NKAIN2: variants seen among roughly 807,000 people sequenced by gnomAD.
NKAIN2 encodes the protein sodium/potassium-transporting ATPase subunit beta-1-interacting protein 2.
NKAIN2 carries 14 observed loss-of-function variants against 32.6 expected under a neutral mutation model. The ratio of observed to expected loss-of-function variants is 0.43; its 90% CI spans 0.28 to 0.67. The LOEUF is 0.67. Among genes scored for constraint, NKAIN2 ranks in the 30% least tolerant of loss-of-function variants. NKAIN2 has a pLI of 0.17. For synonymous variants in NKAIN2, 80 were observed against 87.2 expected, an observed-to-expected ratio of 0.92 and a Z score of 0.46; for missense variants, 198 against 258.3, an observed-to-expected ratio of 0.77 and a Z score of 1.60.
At chr6:124,380,326 G>A (rs567244516) in intron 3 of NKAIN2, among the ~76,000 whole-genome samples, 3 of 152,258 alleles carry the variant, frequency 2.0e-5, no homozygotes, top group Admixed American at 6.5e-5. Flanking sequence ...CAATGTTAGA[G>A]CATTTTAGCA....
intron 4 of NKAIN2, among the ~76,000 whole-genome samples, chr6:124,706,077 C>A (rs2325911): frequency 0.17 from 25,934 of 151,934 alleles, 2,514 homozygotes; most frequent in East Asian, 0.38. Flanking sequence ...ATCTCTGGAG[C>A]GTTAAGTTCC....
chr6:124,159,305 A>G (rs867327582), intron 1 of NKAIN2, among the ~76,000 whole-genome samples: 4 of 152,158 alleles, frequency 2.6e-5, no homozygotes, highest in African/African-American at 4.8e-5. Context: ...ATTTATTGCT[A>G]TTACTAAAGG....
At chr6:124,238,547 G>A (rs1260503083) in intron 1 of NKAIN2, among the ~76,000 whole-genome samples, 1 of 151,986 alleles carries the variant, frequency 6.6e-6, no homozygotes, top group Non-Finnish European at 1.5e-5. Context: ...TGGAAAACAG[G>A]ATGACTGAAT....
Position 124,802,190 on chromosome 6 carries a change from T to G in NKAIN2, c.535+10791T>G, listed in dbSNP as rs114025794. Among the ~76,000 whole-genome samples, 860 of 152,340 alleles carry G rather than the reference T, an allele frequency of 5.6e-3. 7 individuals carry two copies. The highest frequency in any genetic ancestry group is 0.02 in the African/African-American group (835 of 41,580). Reference sequence around the variant, plus strand: ...AATAGGTAATTACAGCACGCATGTTTTATTTTTTTATTTCCCTAAATATGC... The same window carrying G: ...AATAGGTAATTACAGCACGCATGTTGTATTTTTTTATTTCCCTAAATATGC... On this transcript the variant is annotated intron_variant, in intron 5 of 6. Transcript: ENST00000368417.
At chr6:123,885,362 C>A (rs1773665192) in intron 1 of NKAIN2, among the ~76,000 whole-genome samples, 1 of 152,104 alleles carries the variant, frequency 6.6e-6, no homozygotes, top group African/African-American at 2.4e-5. Context: ...TATCTCTTAT[C>A]AGTTGTTCTG....
intron 2 of NKAIN2, among the ~76,000 whole-genome samples, chr6:124,301,679 A>T (rs115503750): frequency 0.014 from 2,104 of 152,316 alleles, 59 homozygotes; most frequent in African/African-American, 0.048. Flanking sequence ...GTCAAAGGAA[A>T]TCATTTTGGA....
intron 4 of NKAIN2, among the ~76,000 whole-genome samples, chr6:124,726,745 G>A (rs368791035): frequency 2.4e-3 from 349 of 144,008 alleles, no homozygotes; most frequent in Middle Eastern, 6.9e-3. Context: ...GGCTTCAGAC[G>A]ATCAAATTAC....
intron 1 of NKAIN2, among the ~76,000 whole-genome samples, chr6:124,199,429 T>A (rs1790499026): frequency 1.3e-5 from 2 of 152,160 alleles, no homozygotes. Flanking sequence ...GGATGACCAG[T>A]GTTCAGGGCT....
At chr6:124,203,700 C>T (rs565976254) in intron 1 of NKAIN2, among the ~76,000 whole-genome samples, 9 of 151,716 alleles carry the variant, frequency 5.9e-5, no homozygotes, top group African/African-American at 1.4e-4. Flanking sequence ...GCTGACAGCA[C>T]GGGAGCAAGT....
At chr6:123,983,161 G>A (rs775341064) in intron 1 of NKAIN2, among the ~76,000 whole-genome samples, 15 of 152,298 alleles carry the variant, frequency 9.8e-5, no homozygotes, top group South Asian at 4.1e-4. Context: ...TTGCAGCAAG[G>A]AATAAAATGA....
At chr6:124,480,507 A>G (rs1777401837) in intron 3 of NKAIN2, among the ~76,000 whole-genome samples, 1 of 152,162 alleles carries the variant, frequency 6.6e-6, no homozygotes, top group African/African-American at 2.4e-5. Flanking sequence ...TTTCTTGTCA[A>G]TTAATACTCT....
rs548880715 is a variant in NKAIN2 at position 123,866,401 on chromosome 6, G to T, written c.54+62147G>T. On this transcript the variant is annotated intron_variant, in intron 1 of 6. Transcript: ENST00000368417. ...CATTTCGAAGGTTCTAAGGAAACAAGCTAGGATTTTCATTAGCAAACATAA... is the reference window on the plus strand; with the variant it reads ...CATTTCGAAGGTTCTAAGGAAACAATCTAGGATTTTCATTAGCAAACATAA... Among the ~76,000 whole-genome samples the T allele has an allele frequency of 5.9e-5, 9 of 152,272 alleles. 1 individual carries two copies. In the South Asian group the frequency reaches 1.9e-3, roughly 32 times the overall value.
chr6:124,047,165 A>C (rs185425285), intron 1 of NKAIN2, among the ~76,000 whole-genome samples: 21 of 151,986 alleles, frequency 1.4e-4, no homozygotes, highest in Non-Finnish European at 2.8e-4. Context: ...ACTCTCACAT[A>C]AGTATAATTT....
chr6:124,009,906 A>C (rs1447401816), intron 1 of NKAIN2, among the ~76,000 whole-genome samples: 1 of 152,152 alleles, frequency 6.6e-6, no homozygotes, highest in Admixed American at 6.6e-5. Flanking sequence ...AAATGTGTAT[A>C]TATATTTATG....
chr6:124,056,313 CT>C (rs948100302), intron 1 of NKAIN2, among the ~76,000 whole-genome samples: 2 of 150,588 alleles, frequency 1.3e-5, no homozygotes, highest in African/African-American at 4.9e-5. Context: ...AGCTATATAT[CT>C]TGCTTCCTGA....
intron 1 of NKAIN2, among the ~76,000 whole-genome samples, chr6:123,932,402 CTTTCTT>C (rs1436044413): frequency 3.4e-4 from 31 of 91,242 alleles, no homozygotes; most frequent in African/African-American, 1.4e-3. Flanking sequence ...CCTTTTCTGT[CTTTCTT>C]TTTTTTTTTT....
At chr6:124,683,802 C>A (rs937801767) in intron 4 of NKAIN2, among the ~76,000 whole-genome samples, 6 of 152,140 alleles carry the variant, frequency 3.9e-5, no homozygotes, top group African/African-American at 1.4e-4. Flanking sequence ...GGAAAAACAT[C>A]ACTATGCAGA....
intron 3 of NKAIN2, among the ~76,000 whole-genome samples, chr6:124,400,371 C>T (rs73770483): frequency 0.014 from 2,107 of 151,990 alleles, 41 homozygotes; most frequent in African/African-American, 0.049. Flanking sequence ...TTTCATAGAA[C>T]CAGTGACTCC....
intron 1 of NKAIN2, among the ~76,000 whole-genome samples, chr6:123,933,514 C>A (rs905785850): frequency 6.6e-6 from 1 of 152,212 alleles, no homozygotes; most frequent in African/African-American, 2.4e-5. Flanking sequence ...ACTTATCTTA[C>A]AGATGAATAA....
Sources: allele counts gnomAD v4.1 joint callset (sites outside exome capture counted in the v4.1 genomes callset), GRCh38; gene constraint gnomAD v4.1.1; transcripts MANE v1.5; gene names NCBI Gene and HGNC (gene_info 2026-07-23, HGNC 2026-07-21).